The following ZXDB variants were observed in gnomAD, a reference collection of about 807,000 sequenced individuals.
The protein encoded by ZXDB is zinc finger X-linked protein ZXDB.
For synonymous variants in ZXDB, 273 were observed against 314.3 expected (o/e 0.87, Z 1.39); for missense variants, 413 against 679.1 (o/e 0.61, Z 4.36).
Position 57,594,047 on chromosome X carries a change from G to A in ZXDB, c.1999G>A (p.Ala667Thr). The change falls in exon 1 of 1, where the codon GCC becomes ACC. Residue 667 changes from alanine (A) to threonine (T), a missense_variant. Coordinates refer to ENST00000374888, the MANE Select transcript of ZXDB (RefSeq NM_007157.4). Reference protein sequence around the residue: ...GQAVDPPSLMATSDPPQSLDT... With the variant: ...GQAVDPPSLMTTSDPPQSLDT... ...GGCTGTGGACCCTCCGTCCTTGATG[G>A]CCACCAGCGACCCTCCTCAAAGTCT... 1 of 1,126,033 alleles carries A rather than the reference G, an allele frequency of 8.9e-7. No individual in the cohort carries two copies. The highest frequency in any genetic ancestry group is 3.0e-5 in the East Asian group (1 of 32,800). The allele number at this position is 1,126,033 out of a possible 1,213,427, so 92.8% of individuals were successfully genotyped here.
At position 57,596,073 on chromosome X, in the gene ZXDB, G is replaced by A. The variant is rs762979607; in HGVS notation, c.*1613G>A. 1 of 123,221 alleles carries A rather than the reference G, an allele frequency of 8.1e-6. No individual in the cohort carries two copies. Among genetic ancestry groups the A allele is most frequent in the East Asian group, 2.8e-4 (1 of 3,559 alleles). 10.2% of individuals were successfully genotyped at this position (123,221 alleles called of 1,213,427 possible). A position where few individuals can be genotyped will look rare whatever the true frequency, so the allele number is the denominator to read the frequency against. On this transcript the variant is annotated 3_prime_UTR_variant, in exon 1 of 1. Transcript: ENST00000374888. ...GGTTTATGAAGTTTAGGGTGAAGTA[G>A]GCAAGGGAATCTGTTTACTCCCTCT...
Position 57,592,352 on chromosome X carries a change from G to A in ZXDB, c.304G>A (p.Gly102Ser). 1 of 1,193,227 alleles carries A rather than the reference G, an allele frequency of 8.4e-7. No homozygotes were observed. Among genetic ancestry groups the A allele is most frequent in the Non-Finnish European group, 1.1e-6 (1 of 890,268 alleles). ...CCTGGTGCTGCTTGACCCGGTGGGT[G>A]GCGACGTGGAGACCGCGGGCTCCGG... ...FFLVLLDPVG[G>S]DVETAGSGQA... Residue 102 changes from glycine (G) to serine (S), a missense_variant, in exon 1 of 1, where the codon GGC (glycine) becomes AGC (serine). Transcript: ENST00000374888.
chrX:57,593,356 C>T lies in ZXDB; in HGVS notation c.1308C>T (p.Asp436=). Residue 436 remains aspartate, a synonymous_variant, in exon 1 of 1, where the codon GAC becomes GAT. Coordinates refer to ENST00000374888, the MANE Select transcript of ZXDB (RefSeq NM_007157.4). ...CSFPGCSKQY[D]KACRLKIHLR... is the part of the protein sequence containing the mutation. Reference sequence around the variant, plus strand: ...TTCCTGGCTGCAGCAAACAATATGACAAGGCTTGTAGGCTGAAAATTCACC... The same window carrying T: ...TTCCTGGCTGCAGCAAACAATATGATAAGGCTTGTAGGCTGAAAATTCACC... 1 of 1,211,833 alleles carries T rather than the reference C, an allele frequency of 8.3e-7. No homozygotes were observed.
At position 57,592,283 on chromosome X, in the gene ZXDB, G is replaced by C. The variant is rs760187596; in HGVS notation, c.235G>C (p.Asp79His). ...PGPSLLAPRT[D>H]QPSGGGGGGG... Reference sequence around the variant, plus strand: ...CCCAAGCCTGTTGGCGCCGAGGACCGATCAACCTAGCGGCGGCGGCGGCGG... The same window carrying C: ...CCCAAGCCTGTTGGCGCCGAGGACCCATCAACCTAGCGGCGGCGGCGGCGG... The change falls in exon 1 of 1, where the codon GAT becomes CAT. Residue 79 changes from aspartate to histidine, a missense_variant. Asp to His is a moderately conservative substitution (Grantham distance 81). Transcript: ENST00000374888. 5.6e-4 allele frequency: 667 copies of C among 1,182,144 alleles called. 2 individuals are homozygous for C. Among genetic ancestry groups the C allele is most frequent in the South Asian group, 1.4e-3 (77 of 54,652 alleles).
chrX:57,594,726 T>C lies in ZXDB; in HGVS notation c.*266T>C, dbSNP rs186249575. 24 of 292,201 alleles carry C rather than the reference T, an allele frequency of 8.2e-5. No individual in the cohort carries two copies. In the East Asian group the frequency reaches 1.3e-3, roughly 16 times the overall value. The allele number at this position is 292,201 out of a possible 1,213,427, so 24.1% of individuals were successfully genotyped here. ...GTTTGAATAGATTGCTTTTAAGGTC[T>C]TTCTGCTCTGTGATTCCTTGATAAT... On this transcript the variant is annotated 3_prime_UTR_variant, in exon 1 of 1. Transcript: ENST00000374888.
rs1215645318 is a variant in ZXDB at position 57,593,635 on chromosome X, T to C, written c.1587T>C (p.Ser529=). 8.3e-7 allele frequency: 1 copy of C among 1,209,686 alleles called. No homozygotes were observed. The highest frequency in any genetic ancestry group is 2.2e-5 in the Admixed American group (1 of 45,809). The part of the protein sequence containing the change: ...AGCCARFSAR[S]SLYIHSKKHL... ...GCTGTGCCAGGTTCTCTGCTCGCAGTAGCCTCTACATTCACTCCAAGAAAC... is the reference window on the plus strand; with the variant it reads ...GCTGTGCCAGGTTCTCTGCTCGCAGCAGCCTCTACATTCACTCCAAGAAAC... The change falls in exon 1 of 1, where the codon AGT becomes AGC. Residue 529 remains serine (S), a synonymous_variant. Transcript: ENST00000374888.
In ZXDB at chrX:57,592,529, C is replaced by T. The variant is rs1478663343; in HGVS notation, c.481C>T (p.Pro161Ser). 8.4e-7 allele frequency: 1 copy of T among 1,185,192 alleles called. No homozygotes were observed. Among genetic ancestry groups the T allele is most frequent in the South Asian group, 1.8e-5 (1 of 54,096 alleles). Residue 161 changes from proline (P) to serine (S), a missense_variant, in exon 1 of 1, where the codon CCC becomes TCC. By Grantham distance (74) the Pro-to-Ser change is moderately conservative (BLOSUM62 -1). Transcript: ENST00000374888. The stretch of plus-strand genomic sequence containing the variant: ...TCCGGCCCCGATCTCCGCCCCCGGC[C>T]CCGCCGCGGCCTTCGCGGGCACAGT... The part of the protein sequence containing the change: ...PTPAPISAPG[P>S]AAAFAGTVTI...
In ZXDB at chrX:57,592,271, G is replaced by A; in HGVS notation, c.223G>A (p.Ala75Thr). Residue 75 changes from alanine (A) to threonine (T), a missense_variant, in exon 1 of 1, where the codon GCG (alanine) becomes ACG (threonine). Physicochemically the swap from Ala to Thr is moderately conservative, Grantham distance 58. Transcript: ENST00000374888. ...ASRGPGPSLLAPRTDQPSGGG... is the reference protein window; with the variant it reads ...ASRGPGPSLLTPRTDQPSGGG... ...ACGGGGCCCTGGCCCAAGCCTGTTG[G>A]CGCCGAGGACCGATCAACCTAGCGG... 1 of 1,177,401 alleles carries A rather than the reference G, an allele frequency of 8.5e-7. No homozygotes were observed. Among genetic ancestry groups the A allele is most frequent in the Non-Finnish European group, 1.1e-6 (1 of 883,453 alleles).
At position 57,597,276 on chromosome X, in the gene ZXDB, A is replaced by G. The variant is rs978337846; in HGVS notation, c.*2816A>G. 8.1e-6 allele frequency: 1 copy of G among 123,471 alleles called. No individual in the cohort carries two copies. The highest frequency in any genetic ancestry group is 9.4e-5 in the Admixed American group (1 of 10,609). 10.2% of individuals were successfully genotyped at this position (123,471 alleles called of 1,213,427 possible). A position where few individuals can be genotyped will look rare whatever the true frequency, so the allele number is the denominator to read the frequency against. On this transcript the variant is annotated 3_prime_UTR_variant, in exon 1 of 1. Transcript: ENST00000374888. ...TCTGTAAATCAGATAAATGCTTGGA[A>G]TTTGATTGTCTACCCAATCAACAGT...
Position 57,592,235 on chromosome X carries a change from A to G in ZXDB, c.187A>G (p.Ser63Gly), listed in dbSNP as rs753064611. 1.7e-6 allele frequency: 2 copies of G among 1,144,370 alleles called. No homozygotes were observed. The highest frequency in any genetic ancestry group is 1.9e-5 in the African/African-American group (1 of 53,218). 94.3% of individuals were successfully genotyped at this position (1,144,370 alleles called of 1,213,427 possible). The change falls in exon 1 of 1, where the codon AGC becomes GGC. Residue 63 changes from serine (S) to glycine (G), a missense_variant. Transcript: ENST00000374888. ...GGPGRRREEASTASRGPGPSL... is the reference protein window; with the variant it reads ...GGPGRRREEAGTASRGPGPSL... The stretch of plus-strand genomic sequence containing the variant: ...GCCCGGGCGGCGGCGCGAGGAGGCC[A>G]GCACGGCATCACGGGGCCCTGGCCC...
In ZXDB at chrX:57,595,620, A is replaced by G. The variant is rs989271919; in HGVS notation, c.*1160A>G. ...GTAATAGAAATATTATTCAATGCCAAAATATTTTCTTAAATAGTCATAGAA... is the reference window on the plus strand; with the variant it reads ...GTAATAGAAATATTATTCAATGCCAGAATATTTTCTTAAATAGTCATAGAA... On this transcript the variant is annotated 3_prime_UTR_variant, in exon 1 of 1. Transcript: ENST00000374888. The G allele has an allele frequency of 1.6e-5, 2 of 123,869 alleles. No homozygotes were observed. The highest frequency in any genetic ancestry group is 6.5e-5 in the African/African-American group (2 of 30,985). The allele number at this position is 123,869 out of a possible 1,213,427, so 10.2% of individuals were successfully genotyped here. A position where few individuals can be genotyped will look rare whatever the true frequency, so the allele number is the denominator to read the frequency against.
At position 57,592,598 on chromosome X, in the gene ZXDB, G is replaced by C. The variant is rs1294313332; in HGVS notation, c.550G>C (p.Val184Leu). Residue 184 changes from valine (V) to leucine (L), a missense_variant, in exon 1 of 1, where the codon GTC becomes CTC. Transcript: ENST00000374888. ...QDLLLRFENGVLTLATPPPHA... is the reference protein window; with the variant it reads ...QDLLLRFENGLLTLATPPPHA... ...CCTGCTGTTGCGCTTTGAGAACGGC[G>C]TCCTCACCCTGGCCACGCCCCCACC... 2 of 1,197,517 alleles carry C rather than the reference G, an allele frequency of 1.7e-6. No homozygotes were observed. The highest frequency in any genetic ancestry group is 2.2e-6 in the Non-Finnish European group (2 of 890,276).
At position 57,592,595 on chromosome X, in the gene ZXDB, G is replaced by A. The variant is rs777334886; in HGVS notation, c.547G>A (p.Gly183Ser). Residue 183 changes from glycine to serine, a missense_variant, in exon 1 of 1, where the codon GGC becomes AGC. Physicochemically the swap from Gly to Ser is moderately conservative, Grantham distance 56. Transcript: ENST00000374888. ...NQDLLLRFEN[G>S]VLTLATPPPH... ...GGACCTGCTGTTGCGCTTTGAGAACGGCGTCCTCACCCTGGCCACGCCCCC... is the reference window on the plus strand; with the variant it reads ...GGACCTGCTGTTGCGCTTTGAGAACAGCGTCCTCACCCTGGCCACGCCCCC... The A allele has an allele frequency of 3.8e-5, 45 of 1,197,947 alleles. No homozygotes were observed. The African/African-American group carries it at 4.5e-4, about 12-fold the overall frequency.
Position 57,592,072 on chromosome X carries a change from G to A in ZXDB, c.24G>A (p.Pro8=), listed in dbSNP as rs1403105232. 1 of 1,034,293 alleles carries A rather than the reference G, an allele frequency of 9.7e-7. No homozygotes were observed. Among genetic ancestry groups the A allele is most frequent in the African/African-American group, 2.0e-5 (1 of 49,357 alleles). The allele number at this position is 1,034,293 out of a possible 1,213,427, so 85.2% of individuals were successfully genotyped here. MEIPKLL[P]ARGTLQGGGG... is the part of the protein sequence containing the mutation. ...AGATGGAAATCCCGAAGCTGCTCCC[G>A]GCTCGCGGGACACTACAGGGCGGCG... The change falls in exon 1 of 1, where the codon CCG becomes CCA. Residue 8 remains proline (P), a synonymous_variant. Transcript: ENST00000374888.
rs778531595 is a variant in ZXDB, at chrX:57,597,434, A to G, written c.*2974A>G. ...GAGTATGTCAAGGATTGAGATGAAC[A>G]CATAAGTCTTGGAAATTAAATAAAT... On this transcript the variant is annotated 3_prime_UTR_variant, in exon 1 of 1. Transcript: ENST00000374888. 7.3e-5 allele frequency: 9 copies of G among 123,483 alleles called. No homozygotes were observed. The South Asian group carries it at 3.3e-3, about 45-fold the overall frequency. The allele number at this position is 123,483 out of a possible 1,213,427, so 10.2% of individuals were successfully genotyped here. A position where few individuals can be genotyped will look rare whatever the true frequency, so the allele number is the denominator to read the frequency against.
Position 57,592,795 on chromosome X carries a change from G to T in ZXDB, c.747G>T (p.Ala249=). Residue 249 remains alanine, a synonymous_variant, in exon 1 of 1, where the codon GCG becomes GCT. Coordinates refer to ENST00000374888, the MANE Select transcript of ZXDB (RefSeq NM_007157.4). ...CAGCTCCGGCGCCTGAGGAGGAGGC[G>T]GAGGGCCCGGCCGCCGCCCTGGGCC... ...PAPAPAPEEE[A]EGPAAALGPR... is the part of the protein sequence containing the mutation. 8.7e-7 allele frequency: 1 copy of T among 1,146,541 alleles called. No individual in the cohort carries two copies. Among genetic ancestry groups the T allele is most frequent in the South Asian group, 2.0e-5 (1 of 49,093 alleles). 94.5% of individuals were successfully genotyped at this position (1,146,541 alleles called of 1,213,427 possible).
Position 57,594,483 on chromosome X carries a change from C to A in ZXDB, c.*23C>A. 1 of 1,174,520 alleles carries A rather than the reference C, an allele frequency of 8.5e-7. No homozygotes were observed. Among genetic ancestry groups the A allele is most frequent in the South Asian group, 2.0e-5 (1 of 50,733 alleles). On this transcript the variant is annotated 3_prime_UTR_variant, in exon 1 of 1. Transcript: ENST00000374888. ...TGAACCAACTCTATTCATTCCTCAT[C>A]ATGTGGCTTACTTTTATTACAGTCA... is the stretch of plus-strand genomic sequence containing the variant.
In ZXDB at chrX:57,594,781, GT is replaced by G; in HGVS notation, c.*326del. On this transcript the variant is annotated 3_prime_UTR_variant, in exon 1 of 1. Coordinates refer to ENST00000374888, the MANE Select transcript of ZXDB (RefSeq NM_007157.4). ...TTCTTTCCTTGAAAAATATGAGGAC[GT>G]TTTTCAGTGATGTGGCATGCGTTTT... is the stretch of plus-strand genomic sequence containing the variant. The G allele has an allele frequency of 5.1e-6, 1 of 195,071 alleles. No homozygotes were observed. Among genetic ancestry groups the G allele is most frequent in the East Asian group, 1.2e-4 (1 of 8,589 alleles). The allele number at this position is 195,071 out of a possible 1,213,427, so 16.1% of individuals were successfully genotyped here.
In ZXDB at chrX:57,594,318, C is replaced by T. The variant is rs771577337; in HGVS notation, c.2270C>T (p.Ala757Val). The T allele has an allele frequency of 1.4e-5, 17 of 1,209,896 alleles. No individual in the cohort carries two copies. Among genetic ancestry groups the T allele is most frequent in the African/African-American group, 5.3e-5 (3 of 57,027 alleles). Residue 757 changes from alanine to valine, a missense_variant, in exon 1 of 1, where the codon GCG becomes GTG. Physicochemically the swap from Ala to Val is moderately conservative, Grantham distance 64. Transcript: ENST00000374888. ...SVSELLTPTK[A>V]EWNVHPDSDF... The stretch of plus-strand genomic sequence containing the variant: ...TCAGAACTACTGACACCAACCAAAG[C>T]GGAGTGGAACGTACATCCTGACTCT...
Sources: gnomAD v4.1 joint callset for allele counts on GRCh38, gnomAD v4.1.1 for gene constraint, MANE v1.5 for transcripts, NCBI Gene and HGNC (gene_info 2026-07-23, HGNC 2026-07-21) for gene names.